RP2: variants seen among roughly 807,000 people sequenced by gnomAD.
RP2 encodes RP2 activator of ARL3 GTPase, also known as protein XRP2.
A neutral mutation model predicts 20.3 loss-of-function variants in RP2; 3 were observed. The observed-to-expected ratio is 0.15, with a 90% CI of 0.07 to 0.38. RP2 has a LOEUF of 0.38. RP2 is among the 10% of genes least tolerant of loss of function. The pLI is 1.00. For synonymous variants in RP2, 75 were observed against 94.8 expected (o/e 0.79, Z 1.22); for missense variants, 233 against 268.5 (o/e 0.87, Z 0.92).
At chrX:46,848,631 G>A (rs1556317550) in intron 1 of RP2, among the ~76,000 whole-genome samples, 3 of 107,626 alleles carry the variant, frequency 2.8e-5, no homozygotes, top group Admixed American at 9.9e-5. Context: ...TGATCCACCC[G>A]CCTCGGCCTC....
chrX:46,856,992 AAAAT>A (rs1556319336), intron 2 of RP2, among the ~76,000 whole-genome samples: 1 of 111,995 alleles, frequency 8.9e-6, no homozygotes, highest in African/African-American at 3.2e-5. Context: ...TGAGATGAAA[AAAAT>A]AAAACTTGAG....
At chrX:46,855,629 G>A (rs781808873) in intron 2 of RP2, among the ~76,000 whole-genome samples, 5 of 109,782 alleles carry the variant, frequency 4.6e-5, no homozygotes, top group Non-Finnish European at 7.6e-5. Context: ...CACCATGCCC[G>A]CTAATTTTTG....
chrX:46,862,399 G>A (rs1416561131), intron 3 of RP2, among the ~76,000 whole-genome samples: 4 of 94,908 alleles, frequency 4.2e-5, no homozygotes, highest in African/African-American at 1.6e-4. Context: ...GGTGGCTCAC[G>A]CCTGTAATCC....
At chrX:46,839,490 T>C (rs2147075460) in intron 1 of RP2, among the ~76,000 whole-genome samples, 1 of 110,471 alleles carries the variant, frequency 9.1e-6, no homozygotes, top group African/African-American at 3.3e-5. Flanking sequence ...ACTTAGAGGC[T>C]GCAATGAGTC....
In RP2 at chrX:46,841,237, G is replaced by T. The variant is rs138187843; in HGVS notation, c.102+4035G>T. Among the ~76,000 whole-genome samples, 98 of 111,662 alleles carry T rather than the reference G, an allele frequency of 8.8e-4. 1 individual carries two copies. The highest frequency in any genetic ancestry group is 1.9e-3 in the South Asian group (5 of 2,698). ...TTAGTCAAAATTGTCAGACAGTTAG[G>T]GTGGTAATCTGCTAGAAAGAAGTGT... is the stretch of plus-strand genomic sequence containing the variant. On this transcript the variant is annotated intron_variant, in intron 1 of 4. Coordinates refer to ENST00000218340, the MANE Select transcript of RP2 (RefSeq NM_006915.3).
In RP2 at chrX:46,878,100, C is replaced by T. The variant is rs782245365; in HGVS notation, c.969+510C>T. ...TAGAAATCATCACATGTAGGCCGGG[C>T]GCGGTGGCTCACGCCTGTAATCCCA... On this transcript the variant is annotated intron_variant, in intron 4 of 4. Transcript: ENST00000218340. 5.4e-5 allele frequency among the ~76,000 whole-genome samples: 6 copies of T among 110,438 alleles called. No individual in the cohort carries two copies. The South Asian group carries it at 1.1e-3, about 21-fold the overall frequency.
rs190474299 is a variant in RP2, at chrX:46,846,009, G to A, written c.103-7467G>A. 2.8e-4 allele frequency among the ~76,000 whole-genome samples: 31 copies of A among 111,214 alleles called. No individual in the cohort carries two copies. In the East Asian group the frequency reaches 5.7e-3, roughly 20 times the overall value. ...TTGCACTCCTGAGCTCAGGTGATCC[G>A]CCCACCTTGGCCTCCCAAAGTGCTG... On this transcript the variant is annotated intron_variant, in intron 1 of 4. Transcript: ENST00000218340.
chrX:46,868,635 A>G (rs1925220459), intron 3 of RP2, among the ~76,000 whole-genome samples: 1 of 102,465 alleles, frequency 9.8e-6, no homozygotes, highest in Non-Finnish European at 2.0e-5. Context: ...AAATACAAAA[A>G]ATTAGCCGGG....
At chrX:46,851,364 C>T (rs1022046138) in intron 1 of RP2, among the ~76,000 whole-genome samples, 4 of 111,615 alleles carry the variant, frequency 3.6e-5, no homozygotes, top group African/African-American at 6.5e-5. Context: ...GGGCCGGGCT[C>T]GGTGGCTCAC....
At chrX:46,852,611 C>T (rs868933758) in intron 1 of RP2, among the ~76,000 whole-genome samples, 1 of 110,906 alleles carries the variant, frequency 9.0e-6, no homozygotes, top group African/African-American at 3.3e-5. Context: ...GGGACAGAGT[C>T]TCACTGTGTC....
chrX:46,856,861 A>C (rs1924969235), intron 2 of RP2, among the ~76,000 whole-genome samples: 1 of 112,461 alleles, frequency 8.9e-6, no homozygotes, highest in African/African-American at 3.2e-5. Flanking sequence ...TACCAAGTAC[A>C]TGTGAAGAGG....
chrX:46,879,215 G>T (rs1264590608), intron 4 of RP2, among the ~76,000 whole-genome samples: 1 of 108,628 alleles, frequency 9.2e-6, no homozygotes, highest in Non-Finnish European at 1.9e-5. Flanking sequence ...CTCCAGCCTG[G>T]GCAACAGAGC....
At chrX:46,852,826 T>G (rs2147080964) in intron 1 of RP2, among the ~76,000 whole-genome samples, 1 of 110,926 alleles carries the variant, frequency 9.0e-6, no homozygotes. Context: ...CATCTGATCC[T>G]CCCACCTCGG....
At chrX:46,877,435 G>T in intron 3 of RP2, 70 bp from the exon 4 acceptor site, 1 of 774,114 alleles carries the variant, frequency 1.3e-6, no homozygotes, top group Non-Finnish European at 2.0e-6. Context: ...CTTCAGGGAA[G>T]AATAAAAAGA....
intron 1 of RP2, among the ~76,000 whole-genome samples, chrX:46,838,493 GC>G (rs781942183): frequency 2.8e-4 from 32 of 112,828 alleles, no homozygotes; most frequent in Non-Finnish European, 4.9e-4. Flanking sequence ...GTTTTCCTCA[GC>G]CTTTGGCTTT....
chrX:46,847,744 ATG>A (rs1300579798), intron 1 of RP2, among the ~76,000 whole-genome samples: 2,145 of 81,425 alleles, frequency 0.026, 71 homozygotes, highest in African/African-American at 0.082. Flanking sequence ...ATACACACAT[ATG>A]TGTGTGTGTA....
chrX:46,853,497 T>C lies in RP2; in HGVS notation c.124T>C (p.Phe42Leu), dbSNP rs782287231. 1 of 1,210,477 alleles carries C rather than the reference T, an allele frequency of 8.3e-7. No homozygotes were observed. Among genetic ancestry groups the C allele is most frequent in the Admixed American group, 2.2e-5 (1 of 45,907 alleles). The change falls in exon 2 of 5, where the codon TTC becomes CTC. Residue 42 changes from phenylalanine to leucine, a missense_variant. Phe to Leu is a conservative substitution (Grantham distance 22). Around this residue, in one of 3 missense-constraint regions of RP2, gnomAD observed 77 missense variants for 71.8 expected, o/e 1.07. Coordinates refer to ENST00000218340, the MANE Select transcript of RP2 (RefSeq NM_006915.3). ...REKVDPKDYMFSGLKDETVGR... is the reference protein window; with the variant it reads ...REKVDPKDYMLSGLKDETVGR... ...GCAGGTTGATCCAAAAGACTACATG[T>C]TCAGTGGACTGAAGGATGAAACAGT...
At chrX:46,847,576 A>G (rs782372888) in intron 1 of RP2, among the ~76,000 whole-genome samples, 5 of 105,720 alleles carry the variant, frequency 4.7e-5, no homozygotes, top group African/African-American at 1.7e-4. Flanking sequence ...GTGTATATAT[A>G]TACATACATA....
intron 4 of RP2, among the ~76,000 whole-genome samples, chrX:46,879,082 A>C (rs962762945): frequency 2.1e-4 from 21 of 100,043 alleles, no homozygotes; most frequent in African/African-American, 7.2e-4. Context: ...AAAAAAAAAA[A>C]AAAAAAAACT....
Sources: gnomAD v4.1 joint callset for allele counts (sites outside exome capture counted in the v4.1 genomes callset) on GRCh38, gnomAD v4.1.1 for gene constraint, gnomAD v4.1.1 regional missense constraint, MANE v1.5 for transcripts, NCBI Gene and HGNC (gene_info 2026-07-23, HGNC 2026-07-21) for gene names.